The following AAMDC variants were observed in gnomAD, a reference collection of about 807,000 sequenced individuals.
AAMDC encodes adipogenesis associated Mth938 domain containing, also known as mth938 domain-containing protein.
Under a neutral mutation model 15.5 loss-of-function variants are expected in AAMDC, and 16 were observed. The ratio of observed to expected loss-of-function variants is 1.03; its 90% CI spans 0.70 to 1.57. The LOEUF (loss-of-function observed/expected upper bound fraction) is 1.57, where lower values mean the gene tolerates loss of function less well. Among genes scored for constraint, AAMDC ranks in the 40% most tolerant of loss-of-function variants. The probability of loss-of-function intolerance (pLI) is 0.00; values close to 1 mark genes in which losing one functional copy is unlikely to be tolerated. For synonymous variants in AAMDC, 51 were observed against 51.6 expected (o/e 0.99, Z 0.05); for missense variants, 141 against 144.9 (o/e 0.97, Z 0.14).
intron 1 of AAMDC, among the ~76,000 whole-genome samples, chr11:77,828,214 G>A (rs1949264987): frequency 6.6e-6 from 1 of 152,074 alleles, no homozygotes; most frequent in Non-Finnish European, 1.5e-5. Context: ...GGCAGAGGTT[G>A]CAGTGAGCCA....
chr11:77,836,971 A>T (rs971273304), intron 1 of AAMDC, among the ~76,000 whole-genome samples: 1 of 152,224 alleles, frequency 6.6e-6, no homozygotes, highest in African/African-American at 2.4e-5. Flanking sequence ...ATCTCAAAAA[A>T]AGAAAAAGTT....
intron 1 of AAMDC, among the ~76,000 whole-genome samples, chr11:77,835,600 C>T (rs1465989928): frequency 2.0e-5 from 3 of 152,264 alleles, no homozygotes; most frequent in Middle Eastern, 3.4e-3. Context: ...TTTTCCTATG[C>T]ATTTCCTTAT....
intron 2 of AAMDC, among the ~76,000 whole-genome samples, chr11:77,846,064 CA>C (rs1347966404): frequency 1.3e-5 from 2 of 151,624 alleles, no homozygotes; most frequent in African/African-American, 4.9e-5. Flanking sequence ...CACCGGAAAT[CA>C]ACTCCCCCTC....
intron 5 of AAMDC, among the ~76,000 whole-genome samples, chr11:77,890,882 G>T (rs1952233044): frequency 6.6e-6 from 1 of 152,166 alleles, no homozygotes; most frequent in African/African-American, 2.4e-5. Flanking sequence ...ACTTGGGAAA[G>T]AATATTTCCT....
At chr11:77,904,473 T>C (rs993515510), downstream of AAMDC, among the ~76,000 whole-genome samples, 8 of 152,222 alleles carry the variant, frequency 5.3e-5, no homozygotes, top group Non-Finnish European at 1.2e-4. Context: ...TTTAAATTAT[T>C]AATTAGTTTA....
intron 1 of AAMDC, among the ~76,000 whole-genome samples, chr11:77,829,036 C>T (rs577272265): frequency 2.0e-5 from 3 of 152,276 alleles, no homozygotes; most frequent in African/African-American, 7.2e-5. Context: ...ACTGTGTCTC[C>T]CCCAGATTCA....
intron 1 of AAMDC, among the ~76,000 whole-genome samples, chr11:77,824,919 T>G (rs1013090943): frequency 1.1e-4 from 16 of 152,212 alleles, no homozygotes; most frequent in African/African-American, 3.9e-4. Flanking sequence ...TTTATACAAA[T>G]TTATACACAT....
At chr11:77,859,433 C>T (rs1025777753) in intron 2 of AAMDC, among the ~76,000 whole-genome samples, 17 of 152,164 alleles carry the variant, frequency 1.1e-4, no homozygotes, top group African/African-American at 3.9e-4. Flanking sequence ...TAGGTCTTCC[C>T]TCGGAAGTTA....
At chr11:77,862,127 G>A (rs957288254) in intron 2 of AAMDC, among the ~76,000 whole-genome samples, 2 of 152,070 alleles carry the variant, frequency 1.3e-5, no homozygotes, top group African/African-American at 2.4e-5. Flanking sequence ...AAATGTTTGC[G>A]GCACCAATCT....
chr11:77,870,329 A>ATTTTTTTTT (rs965312288), intron 3 of AAMDC, among the ~76,000 whole-genome samples: 2 of 87,982 alleles, frequency 2.3e-5, no homozygotes, highest in East Asian at 3.2e-4. Context: ...CTATTTTTTA[A>ATTTTTTTTT]TTTTTTTTTT....
chr11:77,887,254 A>G (rs1952053028), intron 5 of AAMDC, among the ~76,000 whole-genome samples: 1 of 152,250 alleles, frequency 6.6e-6, no homozygotes, highest in Non-Finnish European at 1.5e-5. Context: ...CCTGGGATGC[A>G]AGGCTGGTTC....
Position 77,842,570 on chromosome 11 carries a change from A to G in AAMDC, c.74A>G (p.Asp25Gly). The G allele has an allele frequency of 6.2e-7, 1 of 1,614,114 alleles. No homozygotes were observed. The highest frequency in any genetic ancestry group is 1.1e-5 in the South Asian group (1 of 91,062). ...KVKGSNTTYK[D>G]CKVWPGGSRT... ...AAAGGCTCTAATACAACCTATAAGG[A>G]CTGCAAAGTATGGCCAGGGGGTAGT... The change falls in exon 2 of 4, where the codon GAC becomes GGC. Residue 25 changes from aspartate to glycine, a missense_variant. Coordinates refer to ENST00000393427, the MANE Select transcript of AAMDC (RefSeq NM_024684.4).
chr11:77,905,318 G>A (rs1490027935), downstream of AAMDC, among the ~76,000 whole-genome samples: 3 of 152,026 alleles, frequency 2.0e-5, no homozygotes, highest in South Asian at 2.1e-4. Flanking sequence ...TTAGCCAGGC[G>A]TGGTGGTGCA....
intron 2 of AAMDC, among the ~76,000 whole-genome samples, chr11:77,862,477 TCTC>T (rs1430155650): frequency 1.3e-5 from 2 of 152,150 alleles, no homozygotes; most frequent in South Asian, 2.1e-4. Flanking sequence ...TGGGCCAAAT[TCTC>T]CTCCTCCCAC....
downstream of AAMDC, among the ~76,000 whole-genome samples, chr11:77,874,757 C>T (rs1046866807): frequency 5.3e-5 from 8 of 152,160 alleles, no homozygotes; most frequent in African/African-American, 7.2e-5. Flanking sequence ...AAGAAGTTGG[C>T]CGGGTGCGGT....
chr11:77,883,716 C>T (rs532807756), intron 5 of AAMDC: 1 of 1,135,198 alleles, frequency 8.8e-7, no homozygotes, highest in African/African-American at 1.6e-5. Context: ...AAGTTCAATT[C>T]TTACAAGGCC....
chr11:77,905,020 G>C (rs963515447), downstream of AAMDC, among the ~76,000 whole-genome samples: 2 of 152,110 alleles, frequency 1.3e-5, no homozygotes, highest in Non-Finnish European at 2.9e-5. Flanking sequence ...AGATTATTTT[G>C]TTTTACACAT....
At chr11:77,884,856 G>A (rs1415539633) in intron 5 of AAMDC, 4 of 357,906 alleles carry the variant, frequency 1.1e-5, no homozygotes, top group African/African-American at 4.2e-5. Context: ...CTGGGCGCAA[G>A]TGATCTTCCT....
intron 1 of AAMDC, among the ~76,000 whole-genome samples, chr11:77,835,771 A>G (rs983616242): frequency 2.0e-5 from 3 of 151,936 alleles, no homozygotes; most frequent in Non-Finnish European, 4.4e-5. Flanking sequence ...TATACAAAAA[A>G]TTAACCAGGC....
Sources: allele counts gnomAD v4.1 joint callset (sites outside exome capture counted in the v4.1 genomes callset), GRCh38; gene constraint gnomAD v4.1.1; transcripts MANE v1.5; gene names NCBI Gene and HGNC (gene_info 2026-07-23, HGNC 2026-07-21).